SPOUT1: variants seen among roughly 807,000 people sequenced by gnomAD.
The protein encoded by SPOUT1 is 28S rRNA (uridine-N(3))-methyltransferase.
SPOUT1 carries 40 observed loss-of-function variants against 54.8 expected under a neutral mutation model. That is an observed-to-expected ratio of 0.73 (90% CI 0.57 to 0.95). The LOEUF (loss-of-function observed/expected upper bound fraction) is 0.95. Ranked by LOEUF, SPOUT1 falls within the 40% of genes least tolerant of loss-of-function variation. The probability of loss-of-function intolerance (pLI) is 0.00; values close to 1 mark genes in which losing one functional copy is unlikely to be tolerated. For synonymous variants in SPOUT1, 193 were observed against 200.3 expected, an observed-to-expected ratio of 0.96 and a Z score of 0.31; for missense variants, 437 against 499.5, an observed-to-expected ratio of 0.87 and a Z score of 1.19.
intron 7 of SPOUT1, 171 bp downstream of exon 7, chr9:128,825,851 T>C (rs976437934): frequency 1.4e-6 from 1 of 739,968 alleles, no homozygotes; most frequent in Non-Finnish European, 2.3e-6. Flanking sequence ...CAACAGTAAA[T>C]TCATTCCTGG....
intron 1 of SPOUT1, 133 bp downstream of exon 1, chr9:128,829,612 G>A: frequency 1.4e-6 from 1 of 701,666 alleles, no homozygotes; most frequent in East Asian, 2.8e-5. Flanking sequence ...GGCACCTTCG[G>A]GGGCTTCCGG....
At chr9:128,824,951 C>T (rs755424887) in intron 8 of SPOUT1, 26 bp downstream of exon 8, 1 of 1,606,208 alleles carries the variant, frequency 6.2e-7, no homozygotes, top group Non-Finnish European at 8.5e-7. Context: ...CAGGCCAACC[C>T]AGGGGTTGGG....
chr9:128,829,602 G>A lies in SPOUT1; in HGVS notation c.36+143C>T. 9.2e-6 allele frequency: 6 copies of A among 651,774 alleles called. No individual in the cohort carries two copies. In the South Asian group the frequency reaches 9.5e-5, roughly 10 times the overall value. The allele number at this position is 651,774 out of a possible 1,614,324, so 40.4% of individuals were successfully genotyped here. A position where few individuals can be genotyped will look rare whatever the true frequency, so the allele number is the denominator to read the frequency against. The stretch of plus-strand genomic sequence containing the variant: ...GTTCCCATCCTGCTGAGGCTCACGC[G>A]GCACCTTCGGGGGCTTCCGGCCTGG... On this transcript the variant is annotated intron_variant, in intron 1 of 11. Coordinates refer to ENST00000361256, the MANE Select transcript of SPOUT1 (RefSeq NM_016390.4).
chr9:128,825,190 C>T, intron 7 of SPOUT1, 141 bp from the exon 8 acceptor site: 2 of 645,554 alleles, frequency 3.1e-6, no homozygotes, highest in East Asian at 2.7e-5. Context: ...CCACCCCTGG[C>T]ACCGGCTGAA....
intron 11 of SPOUT1, among the ~76,000 whole-genome samples, chr9:128,823,360 C>T (rs533472437): frequency 6.6e-6 from 1 of 152,284 alleles, no homozygotes; most frequent in Non-Finnish European, 1.5e-5. Context: ...TCCAGCTGCA[C>T]GTGGCTTCCC....
intron 8 of SPOUT1, 44 bp downstream of exon 8, chr9:128,824,933 G>A: frequency 6.3e-7 from 1 of 1,599,900 alleles, no homozygotes; most frequent in East Asian, 2.2e-5. Context: ...CTGAACCCTG[G>A]AGCTCATCAG....
Position 128,819,665 on chromosome 9 carries a change from A to C in SPOUT1, c.*3100T>G, listed in dbSNP as rs1554797677. ...ATTCAAGTGCGTTACATTTATGTACATTTTATTTCTATTATTATTACATTG... is the reference window on the plus strand; with the variant it reads ...ATTCAAGTGCGTTACATTTATGTACCTTTTATTTCTATTATTATTACATTG... On this transcript the variant is annotated 3_prime_UTR_variant, in exon 12 of 12. Coordinates refer to ENST00000361256, the MANE Select transcript of SPOUT1 (RefSeq NM_016390.4). 6.3e-6 allele frequency: 1 copy of C among 158,994 alleles called. No individual in the cohort carries two copies. Among genetic ancestry groups the C allele is most frequent in the Non-Finnish European group, 1.4e-5 (1 of 72,546 alleles). The allele number at this position is 158,994 out of a possible 1,614,324, so 9.8% of individuals were successfully genotyped here. A position where few individuals can be genotyped will look rare whatever the true frequency, so the allele number is the denominator to read the frequency against.
chr9:128,826,171 G>T lies in SPOUT1; in HGVS notation c.509-19C>A, dbSNP rs774940141. ...AGGAGCCCTGTGGAGGCAGAGCCGG[G>T]AAGAGTCTGGGAAGTGCTAGGGCAC... On this transcript the variant is annotated intron_variant, in intron 6 of 11. Coordinates refer to ENST00000361256, the MANE Select transcript of SPOUT1 (RefSeq NM_016390.4). This position sits in a 1 kb window ranked among gnomAD's most constrained non-coding sequence, Gnocchi z 5.5. 3 of 1,592,810 alleles carry T rather than the reference G, an allele frequency of 1.9e-6. No individual in the cohort carries two copies. Among genetic ancestry groups the T allele is most frequent in the Middle Eastern group, 1.7e-4 (1 of 5,870 alleles).
chr9:128,825,102 C>T, intron 7 of SPOUT1, 53 bp from the exon 8 acceptor site: 1 of 1,378,958 alleles, frequency 7.3e-7, no homozygotes, highest in Non-Finnish European at 1.0e-6. Context: ...TCAGCAGGGG[C>T]CACGGCTCTT....
At position 128,820,792 on chromosome 9, in the gene SPOUT1, C is replaced by A. The variant is rs114639346; in HGVS notation, c.*1973G>T. 1.1e-3 allele frequency: 1,827 copies of A among 1,612,560 alleles called. 42 individuals are homozygous for A. In the East Asian group the frequency reaches 0.037, roughly 33 times the overall value. On this transcript the variant is annotated 3_prime_UTR_variant, in exon 12 of 12. Transcript: ENST00000361256. ...ACAACCTGGAGAAATATAGCCGCAG[C>A]TTGACCCGCAGCTACCAAAACGTCT...
In SPOUT1 at chr9:128,826,368, GCCCAT is replaced by G; in HGVS notation, c.508+11_508+15del. On this transcript the variant is annotated intron_variant, in intron 6 of 11. Coordinates refer to ENST00000361256, the MANE Select transcript of SPOUT1 (RefSeq NM_016390.4). The surrounding 1 kb of genome is among the most constrained non-coding windows in gnomAD (Gnocchi z 5.5). ...TGATCCAGGGGAAATGGGGGGGCGGGCCCATACAGCGTTACCTGCAAACTGTAGAT... is the reference window on the plus strand; with the variant it reads ...TGATCCAGGGGAAATGGGGGGGCGGGACAGCGTTACCTGCAAACTGTAGAT... 2 of 1,612,900 alleles carry G rather than the reference GCCCAT, an allele frequency of 1.2e-6. No individual in the cohort carries two copies. The highest frequency in any genetic ancestry group is 1.7e-6 in the Non-Finnish European group (2 of 1,178,944).
chr9:128,825,366 C>G (rs1443391945), intron 7 of SPOUT1, among the ~76,000 whole-genome samples: 1 of 151,948 alleles, frequency 6.6e-6, no homozygotes. Flanking sequence ...GAGTCTGGCT[C>G]TCTCACCCAG....
chr9:128,828,712 C>G lies in SPOUT1; in HGVS notation c.208+23G>C, dbSNP rs991119794. 3.7e-6 allele frequency: 6 copies of G among 1,611,944 alleles called. No homozygotes were observed. In the African/African-American group the frequency reaches 8.0e-5, roughly 22 times the overall value. ...AACTACCGTGGGCCACAACCTGTGG[C>G]CCTCCCCAAGACCCCAGCTCACCGC... On this transcript the variant is annotated intron_variant, in intron 3 of 11. Transcript: ENST00000361256.
At position 128,826,708 on chromosome 9, in the gene SPOUT1, T is replaced by A; in HGVS notation, c.369-79A>T. ...CCTGTCTACAAGTGCACGCGTATAA[T>A]CCCAGCTACTCAGGAGGCTAAGGTG... On this transcript the variant is annotated intron_variant, in intron 4 of 11. Coordinates refer to ENST00000361256, the MANE Select transcript of SPOUT1 (RefSeq NM_016390.4). The surrounding 1 kb of genome is among the most constrained non-coding windows in gnomAD (Gnocchi z 5.5). The A allele has an allele frequency of 9.8e-7, 1 of 1,020,970 alleles. No individual in the cohort carries two copies. Among genetic ancestry groups the A allele is most frequent in the Non-Finnish European group, 1.4e-6 (1 of 693,870 alleles). 63.2% of individuals were successfully genotyped at this position (1,020,970 alleles called of 1,614,324 possible).
Position 128,820,923 on chromosome 9 carries a change from T to G in SPOUT1, c.*1842A>C. 1 of 1,375,040 alleles carries G rather than the reference T, an allele frequency of 7.3e-7. No individual in the cohort carries two copies. Among genetic ancestry groups the G allele is most frequent in the Non-Finnish European group, 1.0e-6 (1 of 988,234 alleles). 85.2% of individuals were successfully genotyped at this position (1,375,040 alleles called of 1,614,324 possible). A position where few individuals can be genotyped will look rare whatever the true frequency, so the allele number is the denominator to read the frequency against. On this transcript the variant is annotated 3_prime_UTR_variant, in exon 12 of 12. Coordinates refer to ENST00000361256, the MANE Select transcript of SPOUT1 (RefSeq NM_016390.4). ...CCTACTGCCACTCACAGGGCCAGGC[T>G]TGCCCCAGGCTCTGGGTCAATACCA...
chr9:128,822,593 A>C lies in SPOUT1; in HGVS notation c.*172T>G, dbSNP rs1187824759. 7.8e-5 allele frequency: 123 copies of C among 1,569,408 alleles called. No individual in the cohort carries two copies. The highest frequency in any genetic ancestry group is 1.1e-4 in the Non-Finnish European group (122 of 1,157,218). On this transcript the variant is annotated 3_prime_UTR_variant, in exon 12 of 12. Coordinates refer to ENST00000361256, the MANE Select transcript of SPOUT1 (RefSeq NM_016390.4). ...GCGGGCAGGCAGCCTCAAGGCCATC[A>C]CGGCGGGCAGTAAGTGAGGGTGGAG...
chr9:128,824,781 A>C lies in SPOUT1; in HGVS notation c.801T>G (p.Ala267=), dbSNP rs1351599526. The change falls in exon 9 of 12, where the codon GCT becomes GCG. Residue 267 remains alanine (A), a synonymous_variant. Transcript: ENST00000361256. ...AAGGTCTGTCCTTACTGAGGCAGGA[A>C]GCCAGTCGGACGGTGTAGCCCCAGT... The part of the protein sequence containing the change: ...GLYWGYTVRL[A]SCLSAVFAEA... The C allele has an allele frequency of 1.2e-6, 2 of 1,612,476 alleles. No homozygotes were observed. Among genetic ancestry groups the C allele is most frequent in the Admixed American group, 1.7e-5 (1 of 59,994 alleles).
intron 7 of SPOUT1, 78 bp from the exon 8 acceptor site, chr9:128,825,127 G>C: frequency 8.9e-7 from 1 of 1,117,332 alleles, no homozygotes; most frequent in Non-Finnish European, 1.3e-6. Context: ...ATGCCACCAG[G>C]GGAGCCCCGG....
At position 128,823,725 on chromosome 9, in the gene SPOUT1, TCGGGGAGGCAGG is replaced by T. The variant is rs1564434779; in HGVS notation, c.1062+10_1062+21del. 6.3e-7 allele frequency: 1 copy of T among 1,587,360 alleles called. No homozygotes were observed. Among genetic ancestry groups the T allele is most frequent in the Admixed American group, 1.8e-5 (1 of 55,986 alleles). On this transcript the variant is annotated intron_variant, in intron 11 of 11. Coordinates refer to ENST00000361256, the MANE Select transcript of SPOUT1 (RefSeq NM_016390.4). ...ATCCCAAGGCCCCAGTGGCTGGCAGTCGGGGAGGCAGGCGGGCTCACCTCCGTGCGGATGGTA... is the reference window on the plus strand; with the variant it reads ...ATCCCAAGGCCCCAGTGGCTGGCAGTCGGGCTCACCTCCGTGCGGATGGTA...
Sources: gnomAD v4.1 joint callset for allele counts (sites outside exome capture counted in the v4.1 genomes callset) on GRCh38, gnomAD v4.1.1 for gene constraint, Gnocchi (gnomAD v3.1) non-coding constraint, MANE v1.5 for transcripts, NCBI Gene and HGNC (gene_info 2026-07-23, HGNC 2026-07-21) for gene names.